GABRG3: variants seen among roughly 807,000 people sequenced by gnomAD.
The protein encoded by GABRG3 is gamma-aminobutyric acid type A receptor subunit gamma3.
GABRG3 carries 25 observed loss-of-function variants against 48.8 expected under a neutral mutation model. The observed-to-expected ratio is 0.51, with a 90% CI of 0.37 to 0.72. The LOEUF (loss-of-function observed/expected upper bound fraction) is 0.72. Ranked by LOEUF, GABRG3 falls within the 30% of genes least tolerant of loss-of-function variation. The probability of loss-of-function intolerance (pLI) is 0.00; values close to 1 mark genes in which losing one functional copy is unlikely to be tolerated. For missense variants in GABRG3, 394 were observed against 577.9 expected, an observed-to-expected ratio of 0.68 and a Z score of 3.26; for synonymous variants, 227 against 217.6, an observed-to-expected ratio of 1.04 and a Z score of -0.38.
chr15:27,508,894 T>A (rs902472051), intron 6 of GABRG3, among the ~76,000 whole-genome samples: 4 of 152,120 alleles, frequency 2.6e-5, no homozygotes, highest in African/African-American at 9.7e-5. Flanking sequence ...TGTTTCTTTG[T>A]ATTTTTAGTA....
At chr15:26,989,290 T>C (rs1566901816) in intron 2 of GABRG3, among the ~76,000 whole-genome samples, 1 of 152,218 alleles carries the variant, frequency 6.6e-6, no homozygotes, top group Non-Finnish European at 1.5e-5. Flanking sequence ...GTTTTGTTTG[T>C]CTCTTCATCA....
chr15:27,288,864 G>A (rs1891707517), intron 3 of GABRG3, among the ~76,000 whole-genome samples: 1 of 152,180 alleles, frequency 6.6e-6, no homozygotes, highest in Non-Finnish European at 1.5e-5. Context: ...TGTAGTGCAA[G>A]TCTCTTGGCA....
intron 3 of GABRG3, among the ~76,000 whole-genome samples, chr15:27,030,574 A>G (rs1896065581): frequency 6.6e-6 from 1 of 152,204 alleles, no homozygotes; most frequent in Non-Finnish European, 1.5e-5. Flanking sequence ...CATCAAAGAA[A>G]GTGTGTGTGG....
intron 5 of GABRG3, among the ~76,000 whole-genome samples, chr15:27,389,827 T>C (rs984078998): frequency 2.6e-5 from 4 of 152,216 alleles, no homozygotes; most frequent in Non-Finnish European, 4.4e-5. Context: ...TAATTGAACA[T>C]GTTGTGGTGT....
intron 3 of GABRG3, among the ~76,000 whole-genome samples, chr15:27,251,271 CT>C: frequency 6.6e-6 from 1 of 152,152 alleles, no homozygotes; most frequent in Non-Finnish European, 1.5e-5. Context: ...TTCATTTCAG[CT>C]TCTGCTTCCA....
chr15:27,044,267 A>G lies in GABRG3; in HGVS notation c.270+17446A>G, dbSNP rs181150453. On this transcript the variant is annotated intron_variant, in intron 3 of 9. Transcript: ENST00000615808. ...TTGTTTTGGAAGCTGAAGACCACAC[A>G]CTTATTTTGTGCCAGTCACTGTTCT... Among the ~76,000 whole-genome samples, 290 of 152,268 alleles carry G rather than the reference A, an allele frequency of 1.9e-3. 2 individuals carry two copies. The highest frequency in any genetic ancestry group is 6.7e-3 in the African/African-American group (280 of 41,552).
chr15:27,064,457 G>A (rs1007026328), intron 3 of GABRG3, among the ~76,000 whole-genome samples: 2 of 152,146 alleles, frequency 1.3e-5, no homozygotes, highest in African/African-American at 4.8e-5. Context: ...CCAGCCCACT[G>A]GCTCCTCAGG....
At chr15:27,015,678 C>T (rs1038933707) in intron 2 of GABRG3, among the ~76,000 whole-genome samples, 19 of 152,060 alleles carry the variant, frequency 1.2e-4, no homozygotes, top group Admixed American at 2.0e-4. Flanking sequence ...TGAGCCACCG[C>T]GCCCGGCCGT....
intron 3 of GABRG3, among the ~76,000 whole-genome samples, chr15:27,055,404 G>T (rs1160992798): frequency 6.6e-6 from 1 of 152,194 alleles, no homozygotes; most frequent in Non-Finnish European, 1.5e-5. Flanking sequence ...GTCAAAAGGA[G>T]ATAATGGAAG....
At position 27,061,585 on chromosome 15, in the gene GABRG3, C is replaced by T. The variant is rs532628081; in HGVS notation, c.270+34764C>T. Among the ~76,000 whole-genome samples the T allele has an allele frequency of 9.2e-5, 14 of 151,916 alleles. No homozygotes were observed. The South Asian group carries it at 1.7e-3, about 18-fold the overall frequency. ...TCCATGTATTTATGAGTGATGTTCC[C>T]GCATGCCAGTCACAAGCAGTAGAGA... On this transcript the variant is annotated intron_variant, in intron 3 of 9. Transcript: ENST00000615808.
intron 3 of GABRG3, among the ~76,000 whole-genome samples, chr15:27,034,196 C>T (rs1032804892): frequency 1.3e-4 from 20 of 152,304 alleles, no homozygotes; most frequent in African/African-American, 4.8e-4. Context: ...TCTCGAAAAG[C>T]ATACAACTGC....
intron 3 of GABRG3, chr15:27,271,406 G>A (rs1891082891): frequency 2.7e-6 from 1 of 371,580 alleles, no homozygotes; most frequent in Admixed American, 3.3e-5. Flanking sequence ...CTTACGCAGG[G>A]AGCTGCGCAA....
chr15:27,178,531 T>C (rs1316731360), intron 3 of GABRG3, among the ~76,000 whole-genome samples: 2 of 152,282 alleles, frequency 1.3e-5, no homozygotes, highest in Middle Eastern at 3.4e-3. Context: ...TGCTGAAAAG[T>C]CGGTTCACAA....
intron 3 of GABRG3, among the ~76,000 whole-genome samples, chr15:27,159,092 CGCCCTCCTCCTCCAT>C (rs1194241678): frequency 2.0e-5 from 3 of 151,454 alleles, no homozygotes; most frequent in Non-Finnish European, 3.0e-5. Context: ...TCTTCCTCCA[CGCCCTCCTCCTCCAT>C]GTTCTGCTAT....
intron 6 of GABRG3, among the ~76,000 whole-genome samples, chr15:27,484,491 T>A (rs1424372665): frequency 1.3e-5 from 2 of 152,192 alleles, no homozygotes; most frequent in Non-Finnish European, 2.9e-5. Context: ...TATGCATACA[T>A]GTATGAGTTG....
At chr15:27,335,507 C>G (rs1240733543) in intron 5 of GABRG3, among the ~76,000 whole-genome samples, 1 of 152,206 alleles carries the variant, frequency 6.6e-6, no homozygotes, top group African/African-American at 2.4e-5. Flanking sequence ...TGTTTTAATA[C>G]ATGCTATACC....
chr15:27,394,916 T>C (rs1021176007), intron 5 of GABRG3, among the ~76,000 whole-genome samples: 7 of 152,312 alleles, frequency 4.6e-5, no homozygotes, highest in African/African-American at 1.7e-4. Context: ...TTGACTATTA[T>C]GTGCTTAGGT....
At chr15:27,436,279 C>A (rs1004901232) in intron 5 of GABRG3, among the ~76,000 whole-genome samples, 2 of 152,116 alleles carry the variant, frequency 1.3e-5, no homozygotes, top group Non-Finnish European at 2.9e-5. Context: ...ATAATAAGGG[C>A]ACTAATCCCA....
chr15:27,169,281 G>A (rs1887484910), intron 3 of GABRG3, among the ~76,000 whole-genome samples: 1 of 152,192 alleles, frequency 6.6e-6, no homozygotes, highest in Admixed American at 6.5e-5. Flanking sequence ...GAACCTGGAG[G>A]AATATCATGA....
Sources: gnomAD v4.1 joint callset for allele counts (sites outside exome capture counted in the v4.1 genomes callset) on GRCh38, gnomAD v4.1.1 for gene constraint, MANE v1.5 for transcripts, NCBI Gene and HGNC (gene_info 2026-07-23, HGNC 2026-07-21) for gene names.